Variants in CPD observed in about 807,000 individuals in gnomAD.
CPD encodes the protein carboxypeptidase D.
A neutral mutation model predicts 138.3 loss-of-function variants in CPD; 69 were observed. The ratio of observed to expected loss-of-function variants is 0.50; its 90% CI spans 0.41 to 0.61. The LOEUF (loss-of-function observed/expected upper bound fraction) is 0.61. CPD is among the 20% of genes least tolerant of loss of function. CPD has a pLI of 0.00. For missense variants in CPD, 1,432 were observed against 1,733.3 expected (o/e 0.83, Z 3.09); for synonymous variants, 651 against 642.1 (o/e 1.01, Z -0.21).
At chr17:30,454,863 C>A in intron 14 of CPD, 1 of 153,226 alleles carries the variant, frequency 6.5e-6, no homozygotes, top group Non-Finnish European at 1.5e-5. Context: ...CCCATCAGAT[C>A]TTGTGAGACT....
intron 6 of CPD, among the ~76,000 whole-genome samples, chr17:30,425,121 GTC>G (rs928124798): frequency 2.5e-5 from 3 of 118,844 alleles, no homozygotes; most frequent in African/African-American, 8.4e-5. Flanking sequence ...GTTTTCTTTA[GTC>G]TCTTGCAATT....
At chr17:30,419,530 A>G (rs1029584831) in intron 2 of CPD, among the ~76,000 whole-genome samples, 25 of 152,222 alleles carry the variant, frequency 1.6e-4, no homozygotes, top group Admixed American at 5.9e-4. Context: ...TAGTAGAGAC[A>G]GGGTTTCACC....
At chr17:30,463,357 T>G (rs991181069) in intron 20 of CPD, among the ~76,000 whole-genome samples, 1 of 152,230 alleles carries the variant, frequency 6.6e-6, no homozygotes, top group African/African-American at 2.4e-5. Flanking sequence ...GAGGGAGGAA[T>G]CTACCTGTAT....
At chr17:30,411,302 A>G (rs1189043172) in intron 2 of CPD, among the ~76,000 whole-genome samples, 1 of 151,796 alleles carries the variant, frequency 6.6e-6, no homozygotes, top group African/African-American at 2.4e-5. Context: ...TTTTTCCTTC[A>G]TTTCAACCTT....
At position 30,379,726 on chromosome 17, in the gene CPD, AGTG is replaced by A; in HGVS notation, c.746+1_746+3del. ...CTCATCGAGTGGATCCGCAGGAACA[AGTG>A]AGTGTTGCCTGCCCCCTCCCCGTCC... is the stretch of plus-strand genomic sequence containing the variant. On this transcript the variant is annotated splice_donor_variant and splice_donor_region_variant and intron_variant, in intron 1 of 20. Transcript: ENST00000225719. LOFTEE classifies it high-confidence loss of function. This position sits in a 1 kb window ranked among gnomAD's most constrained non-coding sequence, Gnocchi z 7.0. 6.8e-7 allele frequency: 1 copy of A among 1,480,572 alleles called. No homozygotes were observed. The highest frequency in any genetic ancestry group is 8.8e-7 in the Non-Finnish European group (1 of 1,132,390). 91.7% of individuals were successfully genotyped at this position (1,480,572 alleles called of 1,614,324 possible).
At chr17:30,456,601 G>A (rs1913304990) in intron 17 of CPD, 75 bp downstream of exon 17, 11 of 1,441,774 alleles carry the variant, frequency 7.6e-6, no homozygotes, top group Non-Finnish European at 1.1e-5. Context: ...CAGTGCTTTG[G>A]GAGGCCAAGG....
chr17:30,379,565 TGGCTTCGGCGACGGC>T lies in CPD; in HGVS notation c.589_603del (p.Phe197_Gly201del). 6 of 1,527,776 alleles carry T rather than the reference TGGCTTCGGCGACGGC, an allele frequency of 3.9e-6. No homozygotes were observed. Among genetic ancestry groups the T allele is most frequent in the Non-Finnish European group, 5.2e-6 (6 of 1,148,546 alleles). 94.6% of individuals were successfully genotyped at this position (1,527,776 alleles called of 1,614,324 possible). A position where few individuals can be genotyped will look rare whatever the true frequency, so the allele number is the denominator to read the frequency against. ...TCGAGCGTGCCCGCGAGGGCGACTGTGGCTTCGGCGACGGCGGCCCGTCCGGGGCCAGCGGCCGCG... is the reference window on the plus strand; with the variant it reads ...TCGAGCGTGCCCGCGAGGGCGACTGTGGCCCGTCCGGGGCCAGCGGCCGCG... On this transcript the variant is annotated inframe_deletion, in exon 1 of 21. Transcript: ENST00000225719. This position sits in a 1 kb window ranked among gnomAD's most constrained non-coding sequence, Gnocchi z 7.0.
chr17:30,379,591 G>T lies in CPD; in HGVS notation c.611G>T (p.Gly204Val). The stretch of plus-strand genomic sequence containing the variant: ...GGCTTCGGCGACGGCGGCCCGTCCG[G>T]GGCCAGCGGCCGCGACAATAGTCGC... ...DCGFGDGGPS[G>V]ASGRDNSRGR... is the part of the protein sequence containing the mutation. The change falls in exon 1 of 21, where the codon GGG (glycine) becomes GTG (valine). Residue 204 changes from glycine to valine, a missense_variant. Physicochemically the swap from Gly to Val is moderately radical, Grantham distance 109 (BLOSUM62 -3). Around this residue, in one of 6 missense-constraint regions of CPD, gnomAD observed 484 missense variants for 477.2 expected, o/e 1.01. Transcript: ENST00000225719. The surrounding 1 kb of genome is among the most constrained non-coding windows in gnomAD (Gnocchi z 7.0). 6.7e-7 allele frequency: 1 copy of T among 1,486,376 alleles called. No homozygotes were observed. Among genetic ancestry groups the T allele is most frequent in the Admixed American group, 2.8e-5 (1 of 35,404 alleles). 92.1% of individuals were successfully genotyped at this position (1,486,376 alleles called of 1,614,324 possible).
At chr17:30,428,479 T>C (rs1912480298) in intron 7 of CPD, among the ~76,000 whole-genome samples, 1 of 152,228 alleles carries the variant, frequency 6.6e-6, no homozygotes, top group Admixed American at 6.5e-5. Context: ...AAATGTGGTC[T>C]GTCCTTACAA....
At chr17:30,397,868 T>C (rs531599688) in intron 2 of CPD, among the ~76,000 whole-genome samples, 1 of 150,236 alleles carries the variant, frequency 6.7e-6, no homozygotes, top group East Asian at 1.9e-4. Flanking sequence ...AAAATAATAA[T>C]ATAAAAGTTT....
intron 6 of CPD, among the ~76,000 whole-genome samples, chr17:30,424,142 A>G (rs1473728874): frequency 6.6e-6 from 1 of 152,148 alleles, no homozygotes; most frequent in African/African-American, 2.4e-5. Flanking sequence ...GACATGAGAC[A>G]TCAGTCAGAC....
Position 30,456,565 on chromosome 17 carries a change from C to A in CPD, c.3498+39C>A, listed in dbSNP as rs769292663. 4 of 1,586,436 alleles carry A rather than the reference C, an allele frequency of 2.5e-6. No individual in the cohort carries two copies. In the East Asian group the frequency reaches 8.9e-5, roughly 35 times the overall value. ...AACATGGTTAGAATGGAGTTATGGC[C>A]AGGCACAATGCCGTATGTGTAAACC... On this transcript the variant is annotated intron_variant, in intron 17 of 20. Transcript: ENST00000225719.
rs373097462 is a variant in CPD, at chr17:30,386,857, A to G, written c.994+1621A>G. Reference sequence around the variant, plus strand: ...AGTAATACATTTTGTTTATCCATCTATTGATGAGCACTGGGTTGTTTCCAC... The same window carrying G: ...AGTAATACATTTTGTTTATCCATCTGTTGATGAGCACTGGGTTGTTTCCAC... On this transcript the variant is annotated intron_variant, in intron 2 of 20. Coordinates refer to ENST00000225719, the MANE Select transcript of CPD (RefSeq NM_001304.5). Among the ~76,000 whole-genome samples the G allele has an allele frequency of 5.2e-4, 79 of 152,268 alleles. 1 individual carries two copies. Among genetic ancestry groups the G allele is most frequent in the African/African-American group, 1.6e-3 (68 of 41,542 alleles).
At chr17:30,402,098 A>G (rs566624017) in intron 2 of CPD, among the ~76,000 whole-genome samples, 11 of 150,164 alleles carry the variant, frequency 7.3e-5, no homozygotes, top group Admixed American at 3.3e-4. Flanking sequence ...GGCAATTTCT[A>G]CTTACCCATC....
At chr17:30,458,643 G>T (rs904958676) in intron 17 of CPD, among the ~76,000 whole-genome samples, 3 of 152,116 alleles carry the variant, frequency 2.0e-5, no homozygotes, top group African/African-American at 7.2e-5. Flanking sequence ...AAGGTGGGTG[G>T]ATCATTTGAT....
intron 2 of CPD, among the ~76,000 whole-genome samples, chr17:30,398,655 G>A (rs1911573018): frequency 6.6e-6 from 1 of 151,912 alleles, no homozygotes; most frequent in Non-Finnish European, 1.5e-5. Flanking sequence ...TACTTAGTTA[G>A]GATTACTTAT....
At chr17:30,422,151 G>A (rs1411196675) in intron 4 of CPD, among the ~76,000 whole-genome samples, 2 of 152,152 alleles carry the variant, frequency 1.3e-5, no homozygotes, top group Non-Finnish European at 2.9e-5. Context: ...CCATTGCTCT[G>A]TAAATGACAT....
intron 1 of CPD, among the ~76,000 whole-genome samples, chr17:30,382,928 A>G (rs1437503422): frequency 6.6e-6 from 1 of 152,212 alleles, no homozygotes; most frequent in African/African-American, 2.4e-5. Flanking sequence ...TTTGGCAAAT[A>G]GTTGACACTC....
intron 17 of CPD, among the ~76,000 whole-genome samples, chr17:30,457,978 A>G (rs1913343414): frequency 6.6e-6 from 1 of 152,120 alleles, no homozygotes; most frequent in African/African-American, 2.4e-5. Context: ...GGATCACCTG[A>G]GGTCAGGAGT....
Sources: allele counts gnomAD v4.1 joint callset (sites outside exome capture counted in the v4.1 genomes callset), GRCh38; gene constraint gnomAD v4.1.1; regional missense constraint gnomAD v4.1.1; non-coding constraint Gnocchi (gnomAD v3.1); transcripts MANE v1.5; gene names NCBI Gene and HGNC (gene_info 2026-07-23, HGNC 2026-07-21).